The following LAMB4 variants were observed in gnomAD, a reference collection of about 807,000 sequenced individuals.
LAMB4 encodes the protein laminin subunit beta 4.
In LAMB4, 196 loss-of-function variants were observed where a neutral mutation model predicts 199.2. The observed-to-expected ratio is 0.98, with a 90% CI of 0.88 to 1.11. The LOEUF is 1.11. Among genes scored for constraint, LAMB4 ranks in the 50% least tolerant of loss-of-function variants. LAMB4 has a pLI of 0.00. For missense variants in LAMB4, 2,080 were observed against 2,171.2 expected (o/e 0.96, Z 0.83); for synonymous variants, 744 against 770.6 (o/e 0.97, Z 0.57).
rs989967642 is a variant in LAMB4, at chr7:108,046,258, A to G, written c.4326+1650T>C. Among the ~76,000 whole-genome samples the G allele has an allele frequency of 2.3e-4, 20 of 86,572 alleles. No individual in the cohort carries two copies. The South Asian group carries it at 6.7e-3, about 29-fold the overall frequency. 56.8% of individuals were successfully genotyped at this position (86,572 alleles called of 152,430 possible). A position where few individuals can be genotyped will look rare whatever the true frequency, so the allele number is the denominator to read the frequency against. On this transcript the variant is annotated intron_variant, in intron 28 of 33. Coordinates refer to ENST00000388781, the MANE Select transcript of LAMB4 (RefSeq NM_007356.3). ...TAAATTTTTTTTTTTTTTTTTTTGTATTTGTATTTTTTAGTAGAGATGGGG... is the reference window on the plus strand; with the variant it reads ...TAAATTTTTTTTTTTTTTTTTTTGTGTTTGTATTTTTTAGTAGAGATGGGG...
At chr7:108,102,925 C>T in intron 10 of LAMB4, 119 bp downstream of exon 10, 2 of 794,552 alleles carry the variant, frequency 2.5e-6, no homozygotes, top group Non-Finnish European at 3.7e-6. Flanking sequence ...ATCCTCCACT[C>T]TCCAAAATAG....
At chr7:108,012,485 G>C in the LAMB4 span, among the ~76,000 whole-genome samples, 1 of 152,174 alleles carries the variant, frequency 6.6e-6, no homozygotes, top group Admixed American at 6.5e-5. Flanking sequence ...ATAAATGTTT[G>C]TTATACCTTG....
At chr7:108,029,979 G>A (rs1016179694) in intron 32 of LAMB4, among the ~76,000 whole-genome samples, 2 of 152,036 alleles carry the variant, frequency 1.3e-5, no homozygotes, top group African/African-American at 2.4e-5. Flanking sequence ...TTAGCTGGGC[G>A]TGGTGGCACG....
chr7:108,097,142 TAAGAA>T (rs2037638628), intron 11 of LAMB4, among the ~76,000 whole-genome samples: 1 of 152,134 alleles, frequency 6.6e-6, no homozygotes, highest in Non-Finnish European at 1.5e-5. Flanking sequence ...CCATCAAACT[TAAGAA>T]GAGCGTTTTA....
At chr7:108,066,243 C>T in intron 20 of LAMB4, 126 bp downstream of exon 20, 4 of 723,996 alleles carry the variant, frequency 5.5e-6, no homozygotes, top group Non-Finnish European at 9.1e-6. Context: ...CAATGCTCTC[C>T]CCGACCTATA....
At chr7:108,101,206 C>T (rs57814818) in intron 10 of LAMB4, among the ~76,000 whole-genome samples, 3,407 of 152,242 alleles carry the variant, frequency 0.022, 135 homozygotes, top group African/African-American at 0.079. Context: ...GTATCCTGAA[C>T]GTTCTTGCTA....
At chr7:108,107,031 G>GTACA (rs766087538) in intron 6 of LAMB4, among the ~76,000 whole-genome samples, 22 of 152,324 alleles carry the variant, frequency 1.4e-4, no homozygotes, top group Non-Finnish European at 2.9e-4. Flanking sequence ...GGCTCTTTAT[G>GTACA]TACAAGTGGT....
chr7:108,121,536 G>C (rs561309082), intron 2 of LAMB4, among the ~76,000 whole-genome samples: 1 of 152,226 alleles, frequency 6.6e-6, no homozygotes, highest in African/African-American at 2.4e-5. Context: ...TTTCACCTGA[G>C]GTCAGGAGTT....
At chr7:108,070,390 C>A (rs2036492958) in intron 17 of LAMB4, among the ~76,000 whole-genome samples, 1 of 152,172 alleles carries the variant, frequency 6.6e-6, no homozygotes, top group Admixed American at 6.5e-5. Flanking sequence ...GCATCACAAC[C>A]CTAGATGACC....
At position 108,112,316 on chromosome 7, in the gene LAMB4, A is replaced by AT. The variant is rs148022175; in HGVS notation, c.193-371dup. On this transcript the variant is annotated intron_variant, in intron 3 of 33. Coordinates refer to ENST00000388781, the MANE Select transcript of LAMB4 (RefSeq NM_007356.3). ...TGAATTGGAACTAGTTTTGCTTAGG[A>AT]TTTTTTTTTTTTTTTGAGACAGAGT... 2.3e-3 allele frequency among the ~76,000 whole-genome samples: 342 copies of AT among 146,766 alleles called. 2 individuals carry two copies. Among genetic ancestry groups the AT allele is most frequent in the South Asian group, 7.8e-3 (36 of 4,634 alleles).
chr7:108,053,231 A>G (rs1156299417), intron 25 of LAMB4, among the ~76,000 whole-genome samples: 1 of 152,236 alleles, frequency 6.6e-6, no homozygotes, highest in African/African-American at 2.4e-5. Flanking sequence ...TGATGAAGCA[A>G]TTGAAGCTTG....
At chr7:108,116,213 G>A (rs2038403314) in intron 2 of LAMB4, 52 bp from the exon 3 acceptor site, 2 of 1,526,290 alleles carry the variant, frequency 1.3e-6, no homozygotes, top group African/African-American at 2.8e-5. Flanking sequence ...GGACAGCACA[G>A]GGCCTGCAGA....
intron 5 of LAMB4, 65 bp from the exon 6 acceptor site, chr7:108,107,884 G>A (rs1394315450): frequency 6.4e-6 from 7 of 1,091,430 alleles, no homozygotes; most frequent in African/African-American, 1.6e-5. Flanking sequence ...ACTTCAGATT[G>A]AATATTTGTA....
intron 18 of LAMB4, 68 bp from the exon 19 acceptor site, chr7:108,068,227 A>T: frequency 6.5e-7 from 1 of 1,534,042 alleles, no homozygotes; most frequent in Non-Finnish European, 8.9e-7. Flanking sequence ...CCTTGTTAGT[A>T]GCTATAGTTC....
intron 20 of LAMB4, 64 bp from the exon 21 acceptor site, chr7:108,065,983 G>A (rs769532881): frequency 4.7e-5 from 69 of 1,476,430 alleles, no homozygotes; most frequent in Non-Finnish European, 5.5e-5. Context: ...AGCCAATGAC[G>A]GTTTGCTATG....
At chr7:108,111,976 T>A (rs113257175) in intron 3 of LAMB4, 30 bp from the exon 4 acceptor site, 2 of 1,567,954 alleles carry the variant, frequency 1.3e-6, no homozygotes. Context: ...AAATTAAAAA[T>A]AAAAATTGGA....
intron 17 of LAMB4, among the ~76,000 whole-genome samples, chr7:108,072,971 G>C (rs1303354633): frequency 2.6e-5 from 4 of 152,194 alleles, no homozygotes; most frequent in African/African-American, 9.6e-5. Flanking sequence ...TCTGGGAACT[G>C]AGAAGATAGA....
chr7:108,015,617 C>T, the LAMB4 span, among the ~76,000 whole-genome samples: 2 of 151,930 alleles, frequency 1.3e-5, no homozygotes, highest in African/African-American at 4.8e-5. Flanking sequence ...TTTTTGTTTT[C>T]CTATATAATC....
downstream of LAMB4, among the ~76,000 whole-genome samples, chr7:108,020,380 A>AGAATCGTT (rs2034665190): frequency 6.7e-6 from 1 of 150,104 alleles, no homozygotes; most frequent in Non-Finnish European, 1.5e-5. Context: ...GTAAGCCAGG[A>AGAATCGTT]GAATCGTTTG....
Sources: allele counts gnomAD v4.1 joint callset (sites outside exome capture counted in the v4.1 genomes callset), GRCh38; gene constraint gnomAD v4.1.1; transcripts MANE v1.5; gene names NCBI Gene and HGNC (gene_info 2026-07-23, HGNC 2026-07-21).